SPIN1: variants seen among roughly 807,000 people sequenced by gnomAD.
SPIN1 encodes spindlin-1.
Under a neutral mutation model 26.0 loss-of-function variants are expected in SPIN1, and 3 were observed. The observed-to-expected ratio is 0.12, with a 90% CI of 0.05 to 0.30. SPIN1 has a LOEUF of 0.30. Among genes scored for constraint, SPIN1 ranks in the 10% least tolerant of loss-of-function variants. The probability of loss-of-function intolerance (pLI) is 1.00; values close to 1 mark genes in which losing one functional copy is unlikely to be tolerated. For missense variants in SPIN1, 126 were observed against 333.4 expected (o/e 0.38, Z 4.84); for synonymous variants, 101 against 116.5 (o/e 0.87, Z 0.86).
intron 2 of SPIN1, among the ~76,000 whole-genome samples, chr9:88,441,398 C>CGCGCGTGTGTGTGTGTGT (rs757363030): frequency 7.3e-6 from 1 of 137,730 alleles, no homozygotes; most frequent in African/African-American, 3.2e-5. Flanking sequence ...TGCTGCCATT[C>CGCGCGTGTGTGTGTGTGT]GTGTGTGTGT....
intron 1 of SPIN1, among the ~76,000 whole-genome samples, chr9:88,398,479 A>G (rs761094056): frequency 3.0e-4 from 46 of 152,122 alleles, no homozygotes; most frequent in Non-Finnish European, 5.9e-4. Flanking sequence ...AGTAGCGAGA[A>G]TTAAATAATA....
At chr9:88,435,636 T>C (rs1342073123) in intron 2 of SPIN1, among the ~76,000 whole-genome samples, 1 of 152,208 alleles carries the variant, frequency 6.6e-6, no homozygotes, top group East Asian at 1.9e-4. Flanking sequence ...GGCCTTCCTT[T>C]TTCTGATATT....
intron 3 of SPIN1, among the ~76,000 whole-genome samples, chr9:88,461,896 T>G (rs1828584456): frequency 6.6e-6 from 1 of 152,226 alleles, no homozygotes; most frequent in African/African-American, 2.4e-5. Flanking sequence ...GTTTTAAGAT[T>G]ATATGTTTTC....
At chr9:88,393,445 GTTTTTTTTTT>G (rs57244433) in intron 1 of SPIN1, among the ~76,000 whole-genome samples, 943 of 88,406 alleles carry the variant, frequency 0.011, 5 homozygotes, top group Non-Finnish European at 0.017. Context: ...TTGCTTTTGG[GTTTTTTTTTT>G]TTTTTTTTTT....
At chr9:88,448,232 C>G (rs1437296681) in intron 2 of SPIN1, among the ~76,000 whole-genome samples, 1 of 152,078 alleles carries the variant, frequency 6.6e-6, no homozygotes, top group Non-Finnish European at 1.5e-5. Flanking sequence ...TTAGGAGAGA[C>G]AGGGTTTCAC....
chr9:88,394,941 C>T (rs1268924267), intron 1 of SPIN1, among the ~76,000 whole-genome samples: 4 of 151,644 alleles, frequency 2.6e-5, no homozygotes, highest in Non-Finnish European at 4.4e-5. Flanking sequence ...TCCTGAGTAG[C>T]TGGGACTACA....
In SPIN1 at chr9:88,408,965, TTGTGTTTGTG is replaced by T. The variant is rs1185845906; in HGVS notation, c.-158-17401_-158-17392del. On this transcript the variant is annotated intron_variant, in intron 1 of 5. Transcript: ENST00000375859. Reference sequence around the variant, plus strand: ...GCGTGAGCCACAGCGCCCGGCCCTTTTGTGTTTGTGTGTGTTTGTGTGTGTGTGTGTGTGT... The same window carrying T: ...GCGTGAGCCACAGCGCCCGGCCCTTTTGTGTTTGTGTGTGTGTGTGTGTGT... 1.7e-3 allele frequency among the ~76,000 whole-genome samples: 229 copies of T among 132,448 alleles called. 1 individual carries two copies. The highest frequency in any genetic ancestry group is 7.3e-3 in the African/African-American group (198 of 27,020). 86.9% of individuals were successfully genotyped at this position (132,448 alleles called of 152,430 possible).
intron 1 of SPIN1, among the ~76,000 whole-genome samples, chr9:88,397,836 C>G (rs1827098943): frequency 6.6e-6 from 1 of 150,988 alleles, no homozygotes; most frequent in Non-Finnish European, 1.5e-5. Flanking sequence ...GTTGGCCAGA[C>G]TGGTCGCCAT....
chr9:88,427,953 G>A (rs1827794851), intron 2 of SPIN1, among the ~76,000 whole-genome samples: 1 of 152,080 alleles, frequency 6.6e-6, no homozygotes, highest in South Asian at 2.1e-4. Flanking sequence ...TGAGATGTGA[G>A]TCAAATGTTT....
chr9:88,438,061 G>C (rs938100406), intron 2 of SPIN1, among the ~76,000 whole-genome samples: 2 of 151,556 alleles, frequency 1.3e-5, no homozygotes, highest in Admixed American at 1.3e-4. Context: ...TGAGGAAGGA[G>C]AATCACTTGA....
At chr9:88,393,285 C>T (rs1215413862) in intron 1 of SPIN1, among the ~76,000 whole-genome samples, 1 of 151,276 alleles carries the variant, frequency 6.6e-6, no homozygotes, top group African/African-American at 2.4e-5. Context: ...ACAAAATAGG[C>T]AATTTTTTTT....
chr9:88,395,346 TGCTCTGCCGTTCTATGCAC>T (rs1827031249), intron 1 of SPIN1, among the ~76,000 whole-genome samples: 4 of 102,598 alleles, frequency 3.9e-5, no homozygotes, highest in African/African-American at 1.7e-4. Context: ...CTATGCACAC[TGCTCTGCCGTTCTATGCAC>T]ACTGCTCCCT....
chr9:88,389,096 GGGGAT>G (rs1303659009), intron 1 of SPIN1, among the ~76,000 whole-genome samples: 7 of 152,110 alleles, frequency 4.6e-5, no homozygotes, highest in Non-Finnish European at 8.8e-5. Context: ...CCCAGGCCCG[GGGGAT>G]GGCCGCGGAC....
At chr9:88,448,047 C>CTTT (rs113183923) in intron 2 of SPIN1, among the ~76,000 whole-genome samples, 7 of 142,720 alleles carry the variant, frequency 4.9e-5, no homozygotes, top group African/African-American at 1.8e-4. Context: ...TTGTTTTGGT[C>CTTT]TTTTTTTTTT....
At chr9:88,455,099 T>C (rs765999510) in intron 3 of SPIN1, among the ~76,000 whole-genome samples, 6 of 152,228 alleles carry the variant, frequency 3.9e-5, no homozygotes, top group Admixed American at 6.5e-5. Flanking sequence ...ATCCTTAAAA[T>C]ATGCAAATCT....
At chr9:88,432,681 G>T (rs1470456086) in intron 2 of SPIN1, among the ~76,000 whole-genome samples, 1 of 151,816 alleles carries the variant, frequency 6.6e-6, no homozygotes, top group Non-Finnish European at 1.5e-5. Context: ...TAGAGATGGG[G>T]TTTCACCATG....
In SPIN1 at chr9:88,440,216, G is replaced by A. The variant is rs1307640447; in HGVS notation, c.53-8725G>A. 6.9e-5 allele frequency among the ~76,000 whole-genome samples: 10 copies of A among 145,590 alleles called. No homozygotes were observed. In the East Asian group the frequency reaches 1.8e-3, roughly 26 times the overall value. ...TCACCATGTTACAAAGGCTGGTCTCGGGCTTTCCACTCTTTTCTGCCTTCT... is the reference window on the plus strand; with the variant it reads ...TCACCATGTTACAAAGGCTGGTCTCAGGCTTTCCACTCTTTTCTGCCTTCT... On this transcript the variant is annotated intron_variant, in intron 2 of 5. Coordinates refer to ENST00000375859, the MANE Select transcript of SPIN1 (RefSeq NM_006717.3).
chr9:88,463,735 G>C (rs528403985), intron 4 of SPIN1, among the ~76,000 whole-genome samples: 1 of 152,112 alleles, frequency 6.6e-6, no homozygotes, highest in Non-Finnish European at 1.5e-5. Context: ...AGTTTTCAAA[G>C]AAATCTTTCT....
At chr9:88,467,062 T>C (rs139172890) in intron 4 of SPIN1, among the ~76,000 whole-genome samples, 9 of 152,266 alleles carry the variant, frequency 5.9e-5, no homozygotes, top group African/African-American at 2.2e-4. Flanking sequence ...TTTGTTTGTT[T>C]GTTTTTTAAA....
Sources: gnomAD v4.1 joint callset for allele counts (sites outside exome capture counted in the v4.1 genomes callset) on GRCh38, gnomAD v4.1.1 for gene constraint, MANE v1.5 for transcripts, NCBI Gene and HGNC (gene_info 2026-07-23, HGNC 2026-07-21) for gene names.